The following PIK3C2G variants were observed in gnomAD, a reference collection of about 807,000 sequenced individuals.
PIK3C2G encodes the protein phosphatidylinositol-4-phosphate 3-kinase catalytic subunit type 2 gamma.
In PIK3C2G, 168 loss-of-function variants were observed where a neutral mutation model predicts 181.1. The observed-to-expected ratio is 0.93, with a 90% CI of 0.82 to 1.05. The LOEUF (loss-of-function observed/expected upper bound fraction) is 1.05, where lower values mean the gene tolerates loss of function less well. Among genes scored for constraint, PIK3C2G ranks in the 50% least tolerant of loss-of-function variants. The probability of loss-of-function intolerance (pLI) is 0.00; values close to 1 mark genes in which losing one functional copy is unlikely to be tolerated. For synonymous variants in PIK3C2G, 573 were observed against 592.2 expected (o/e 0.97, Z 0.47); for missense variants, 1,869 against 1,732.8 (o/e 1.08, Z -1.40).
chr12:18,341,005 G>A (rs1352453920), intron 9 of PIK3C2G, among the ~76,000 whole-genome samples: 3 of 152,160 alleles, frequency 2.0e-5, no homozygotes, highest in African/African-American at 7.2e-5. Flanking sequence ...GAAACCAGAT[G>A]TGTGGATGTC....
At chr12:18,535,700 G>C (rs1479811625) in intron 24 of PIK3C2G, among the ~76,000 whole-genome samples, 1 of 151,780 alleles carries the variant, frequency 6.6e-6, no homozygotes. Context: ...ACAGCATAGA[G>C]AGTAGGGTGG....
chr12:18,620,972 A>G (rs75031463), intron 31 of PIK3C2G, among the ~76,000 whole-genome samples: 3,484 of 152,134 alleles, frequency 0.023, 147 homozygotes, highest in African/African-American at 0.08. Context: ...AAATGCTTAT[A>G]TTTTACCTCT....
intron 4 of PIK3C2G, 97 bp from the exon 5 acceptor site, chr12:18,293,804 C>A: frequency 1.5e-6 from 1 of 666,606 alleles, no homozygotes. Context: ...AGTTACAATC[C>A]TTCATAATGT....
intron 13 of PIK3C2G, among the ~76,000 whole-genome samples, chr12:18,372,191 GTGTA>G (rs1229350111): frequency 6.6e-6 from 1 of 151,942 alleles, no homozygotes; most frequent in Non-Finnish European, 1.5e-5. Context: ...TGTAAGCTGT[GTGTA>G]TGTGTGTGTG....
intron 24 of PIK3C2G, among the ~76,000 whole-genome samples, chr12:18,510,636 A>AAAAT (rs1174232108): frequency 2.0e-5 from 3 of 152,154 alleles, no homozygotes; most frequent in Non-Finnish European, 2.9e-5. Flanking sequence ...AGATAATTTT[A>AAAAT]AAGGGCAATA....
At chr12:18,319,684 T>C (rs1011529944) in intron 6 of PIK3C2G, among the ~76,000 whole-genome samples, 1 of 152,226 alleles carries the variant, frequency 6.6e-6, no homozygotes, top group Non-Finnish European at 1.5e-5. Flanking sequence ...ATTCTTGCTT[T>C]GGTTTTAACT....
At chr12:18,593,282 G>C (rs1000179730) in intron 29 of PIK3C2G, among the ~76,000 whole-genome samples, 3 of 151,868 alleles carry the variant, frequency 2.0e-5, no homozygotes, top group African/African-American at 4.8e-5. Flanking sequence ...ATTTGGGAGG[G>C]GGAAATAATT....
At chr12:18,698,757 C>T in the PIK3C2G span, among the ~76,000 whole-genome samples, 3 of 152,148 alleles carry the variant, frequency 2.0e-5, no homozygotes, top group Non-Finnish European at 4.4e-5. Context: ...TCACCCCAAG[C>T]ATTTATCCTT....
chr12:18,665,209 T>C, the PIK3C2G span, among the ~76,000 whole-genome samples: 20 of 151,772 alleles, frequency 1.3e-4, no homozygotes, highest in Admixed American at 1.2e-3. Flanking sequence ...AGAATGGTGG[T>C]TGCCAGGGAC....
intron 31 of PIK3C2G, among the ~76,000 whole-genome samples, chr12:18,638,783 A>G (rs1389329217): frequency 6.6e-6 from 1 of 152,270 alleles, no homozygotes; most frequent in East Asian, 1.9e-4. Context: ...TTGGGGACCC[A>G]GATTTGCAAT....
intron 18 of PIK3C2G, among the ~76,000 whole-genome samples, chr12:18,431,681 G>C (rs975210565): frequency 2.6e-5 from 4 of 152,158 alleles, no homozygotes; most frequent in Non-Finnish European, 4.4e-5. Flanking sequence ...AGAATCCATA[G>C]GGGGCTTTAA....
chr12:18,594,385 A>G lies in PIK3C2G; in HGVS notation c.4012-109A>G. 4.9e-6 allele frequency: 3 copies of G among 612,238 alleles called. No individual in the cohort carries two copies. In the South Asian group the frequency reaches 6.8e-5, roughly 14 times the overall value. 37.9% of individuals were successfully genotyped at this position (612,238 alleles called of 1,614,324 possible). A position where few individuals can be genotyped will look rare whatever the true frequency, so the allele number is the denominator to read the frequency against. ...TACTTTCTCTCTATTTGTAGAATCT[A>G]TAACAGGTATCTATTTTAAAATGAT... On this transcript the variant is annotated intron_variant, in intron 29 of 32. Transcript: ENST00000538779.
Position 18,286,882 on chromosome 12 carries a change from T to C in PIK3C2G, c.714T>C (p.Pro238=), listed in dbSNP as rs932553452. Residue 238 remains proline (P), a synonymous_variant, in exon 3 of 33, where the codon CCT becomes CCC. Transcript: ENST00000538779. The part of the protein sequence containing the change: ...IGCSIQLVEV[P]QSSNTSLASF... Reference sequence around the variant, plus strand: ...GTTCCATTCAGCTAGTGGAAGTACCTCAAAGCAGCAATACGAGTCTGGCCT... The same window carrying C: ...GTTCCATTCAGCTAGTGGAAGTACCCCAAAGCAGCAATACGAGTCTGGCCT... 1.3e-6 allele frequency: 2 copies of C among 1,575,358 alleles called. No individual in the cohort carries two copies. Among genetic ancestry groups the C allele is most frequent in the Non-Finnish European group, 1.7e-6 (2 of 1,159,192 alleles).
At chr12:18,339,226 AT>A (rs1938881256) in intron 9 of PIK3C2G, among the ~76,000 whole-genome samples, 1 of 152,134 alleles carries the variant, frequency 6.6e-6, no homozygotes, top group African/African-American at 2.4e-5. Context: ...TTATCTTATT[AT>A]TAGTTTAGCA....
intron 9 of PIK3C2G, 115 bp downstream of exon 9, chr12:18,338,663 CTGTGTGTGTGTGTGTG>C (rs199613361): frequency 9.1e-4 from 378 of 414,022 alleles, no homozygotes; most frequent in African/African-American, 5.3e-3. Context: ...TTGTGTGTAT[CTGTGTGTGTGTGTGTG>C]TGTGTGTGTG....
intron 29 of PIK3C2G, among the ~76,000 whole-genome samples, chr12:18,591,469 C>G (rs1484376813): frequency 6.6e-6 from 1 of 151,684 alleles, no homozygotes; most frequent in Non-Finnish European, 1.5e-5. Flanking sequence ...GAAAAGAGAA[C>G]ATGACAAACC....
chr12:18,461,216 T>C (rs1456265439), intron 18 of PIK3C2G, among the ~76,000 whole-genome samples: 1 of 152,196 alleles, frequency 6.6e-6, no homozygotes. Context: ...CATATTTTCA[T>C]AACGTCATTT....
rs375642980 is a variant in PIK3C2G at position 18,427,379 on chromosome 12, C to T, written c.2504+3340C>T. On this transcript the variant is annotated intron_variant, in intron 18 of 32. Transcript: ENST00000538779. ...AAAATTAGCCGGGCCTGGTGGCGGG[C>T]GCCTGTAATCTCAGCTACTCAGGAG... 2.0e-5 allele frequency among the ~76,000 whole-genome samples: 3 copies of T among 150,500 alleles called. No individual in the cohort carries two copies. The East Asian group carries it at 5.9e-4, about 29-fold the overall frequency.
intron 1 of PIK3C2G, among the ~76,000 whole-genome samples, chr12:18,253,017 T>C (rs1475721504): frequency 2.6e-5 from 4 of 152,134 alleles, no homozygotes; most frequent in Non-Finnish European, 4.4e-5. Flanking sequence ...ATGTTCCATA[T>C]CCTGACAAGA....
Sources: allele counts gnomAD v4.1 joint callset (sites outside exome capture counted in the v4.1 genomes callset), GRCh38; gene constraint gnomAD v4.1.1; transcripts MANE v1.5; gene names NCBI Gene and HGNC (gene_info 2026-07-23, HGNC 2026-07-21).